UBE2V2: variants seen among roughly 807,000 people sequenced by gnomAD.
UBE2V2 encodes the protein ubiquitin conjugating enzyme E2 V2.
UBE2V2 carries 9 observed loss-of-function variants against 17.2 expected under a neutral mutation model. The ratio of observed to expected loss-of-function variants is 0.52; its 90% confidence interval spans 0.32 to 0.91. The LOEUF (loss-of-function observed/expected upper bound fraction) is 0.91, where lower values mean the gene tolerates loss of function less well. Ranked by LOEUF, UBE2V2 falls within the 40% of genes least tolerant of loss-of-function variation. The pLI is 0.04. For missense variants in UBE2V2, 133 were observed against 182.6 expected, an observed-to-expected ratio of 0.73 and a Z score of 1.56; for synonymous variants, 61 against 57.5, an observed-to-expected ratio of 1.06 and a Z score of -0.28.
intron 1 of UBE2V2, among the ~76,000 whole-genome samples, chr8:48,034,299 G>A (rs1311125156): frequency 6.6e-6 from 1 of 151,814 alleles, no homozygotes; most frequent in African/African-American, 2.4e-5. Context: ...TAATTTTTTT[G>A]TATTTTTAGT....
intron 1 of UBE2V2, among the ~76,000 whole-genome samples, chr8:48,039,672 G>T (rs2091448518): frequency 6.6e-6 from 1 of 151,964 alleles, no homozygotes; most frequent in South Asian, 2.1e-4. Flanking sequence ...GATCAGATTG[G>T]GTTCTAATTT....
chr8:48,051,247 A>G (rs902772162), intron 3 of UBE2V2, among the ~76,000 whole-genome samples: 16 of 152,190 alleles, frequency 1.1e-4, no homozygotes, highest in Admixed American at 2.6e-4. Context: ...TAAGTTCATG[A>G]TAAGTCTTTG....
At chr8:48,022,254 C>T (rs923220974) in intron 1 of UBE2V2, among the ~76,000 whole-genome samples, 2 of 151,812 alleles carry the variant, frequency 1.3e-5, no homozygotes, top group African/African-American at 4.8e-5. Context: ...TCTCCTGCCT[C>T]AGCCTCCTGA....
chr8:48,015,491 T>C (rs1262742374), intron 1 of UBE2V2, among the ~76,000 whole-genome samples: 1 of 152,226 alleles, frequency 6.6e-6, no homozygotes, highest in Non-Finnish European at 1.5e-5. Context: ...ATAGTTATCA[T>C]TTTTGTGGTG....
At chr8:48,026,110 T>C (rs1048167074) in intron 1 of UBE2V2, among the ~76,000 whole-genome samples, 3 of 152,148 alleles carry the variant, frequency 2.0e-5, no homozygotes, top group African/African-American at 7.2e-5. Context: ...TTTTTTCATT[T>C]TATTCTTCCT....
In UBE2V2 at chr8:48,048,941, A is replaced by T. The variant is rs566835446; in HGVS notation, c.166-912A>T. ...AATAATTATAATTCTCTTTAAAACA[A>T]TTTTTTTTTCTTTTTAATCTCTTGA... is the stretch of plus-strand genomic sequence containing the variant. On this transcript the variant is annotated intron_variant, in intron 2 of 3. Coordinates refer to ENST00000523111, the MANE Select transcript of UBE2V2 (RefSeq NM_003350.3). 3.8e-3 allele frequency among the ~76,000 whole-genome samples: 578 copies of T among 151,418 alleles called. 4 individuals are homozygous for T. The highest frequency in any genetic ancestry group is 0.025 in the South Asian group (119 of 4,782).
the UBE2V2 span, among the ~76,000 whole-genome samples, chr8:47,998,220 G>A: frequency 2.0e-5 from 3 of 152,004 alleles, no homozygotes; most frequent in African/African-American, 7.3e-5. Flanking sequence ...TTTCTGAACG[G>A]AGGCCAAGAG....
At chr8:47,999,507 C>T in the UBE2V2 span, among the ~76,000 whole-genome samples, 1 of 152,020 alleles carries the variant, frequency 6.6e-6, no homozygotes, top group African/African-American at 2.4e-5. Context: ...CAGGCATGTT[C>T]CACCATGCCC....
At chr8:48,036,703 G>GGGATTACA (rs1404044997) in intron 1 of UBE2V2, among the ~76,000 whole-genome samples, 1 of 151,598 alleles carries the variant, frequency 6.6e-6, no homozygotes, top group African/African-American at 2.4e-5. Flanking sequence ...CCAAAGTGCT[G>GGGATTACA]GGATTACAGG....
intron 1 of UBE2V2, among the ~76,000 whole-genome samples, chr8:48,039,930 A>G (rs1052388071): frequency 6.6e-6 from 1 of 151,608 alleles, no homozygotes; most frequent in Non-Finnish European, 1.5e-5. Context: ...GGGTCTTGCC[A>G]TGTTGCCCAG....
chr8:48,029,666 CATTGT>C (rs2091369795), intron 1 of UBE2V2, among the ~76,000 whole-genome samples: 1 of 152,176 alleles, frequency 6.6e-6, no homozygotes, highest in Admixed American at 6.6e-5. Flanking sequence ...CTCTTCATGC[CATTGT>C]CATCTGCTAC....
chr8:48,037,425 C>T (rs1263170967), intron 1 of UBE2V2, among the ~76,000 whole-genome samples: 1 of 152,208 alleles, frequency 6.6e-6, no homozygotes, highest in African/African-American at 2.4e-5. Context: ...GTGTGTTGGT[C>T]ATTGAGATAT....
upstream of UBE2V2, among the ~76,000 whole-genome samples, chr8:48,006,609 A>C (rs2091184761): frequency 6.6e-6 from 1 of 152,168 alleles, no homozygotes; most frequent in African/African-American, 2.4e-5. Flanking sequence ...AGTCGGCTTC[A>C]TCCCTGGGAT....
intron 3 of UBE2V2, among the ~76,000 whole-genome samples, chr8:48,050,914 G>A (rs1157863495): frequency 6.6e-6 from 1 of 152,118 alleles, no homozygotes; most frequent in African/African-American, 2.4e-5. Flanking sequence ...AGGCTGTAGT[G>A]CAGTGGTACT....
At position 48,050,150 on chromosome 8, in the gene UBE2V2, C is replaced by T. The variant is rs561272655; in HGVS notation, c.291+172C>T. 6.9e-6 allele frequency: 3 copies of T among 433,000 alleles called. No homozygotes were observed. In the East Asian group the frequency reaches 1.2e-4, roughly 18 times the overall value. 26.8% of individuals were successfully genotyped at this position (433,000 alleles called of 1,614,324 possible). A position where few individuals can be genotyped will look rare whatever the true frequency, so the allele number is the denominator to read the frequency against. ...AAGAAGGTTGCATTATGTTGTTTTT[C>T]TTTTATTAATATAAATTAGGCCATC... On this transcript the variant is annotated intron_variant, in intron 3 of 3. Coordinates refer to ENST00000523111, the MANE Select transcript of UBE2V2 (RefSeq NM_003350.3).
chr8:48,038,109 C>T (rs568836327), intron 1 of UBE2V2, among the ~76,000 whole-genome samples: 101 of 152,282 alleles, frequency 6.6e-4, no homozygotes, highest in African/African-American at 2.2e-3. Flanking sequence ...CCTCCCTTTT[C>T]TTTTTAAATA....
At chr8:48,048,210 A>C (rs564436475) in intron 2 of UBE2V2, among the ~76,000 whole-genome samples, 2 of 152,188 alleles carry the variant, frequency 1.3e-5, no homozygotes, top group African/African-American at 4.8e-5. Flanking sequence ...TAGTGTGTAC[A>C]CTTACGGTTC....
At chr8:48,001,184 GC>G in the UBE2V2 span, among the ~76,000 whole-genome samples, 6 of 152,104 alleles carry the variant, frequency 3.9e-5, no homozygotes, top group African/African-American at 1.4e-4. Context: ...ATGCCTCAGA[GC>G]CCGCTTAGCA....
At chr8:48,053,807 G>GTT (rs202049026) in intron 3 of UBE2V2, among the ~76,000 whole-genome samples, 6 of 135,782 alleles carry the variant, frequency 4.4e-5, no homozygotes, top group Non-Finnish European at 6.5e-5. Flanking sequence ...TCCCCTTCCT[G>GTT]TTTTTTTTTT....
Sources: allele counts gnomAD v4.1 joint callset (sites outside exome capture counted in the v4.1 genomes callset), GRCh38; gene constraint gnomAD v4.1.1; transcripts MANE v1.5; gene names NCBI Gene and HGNC (gene_info 2026-07-23, HGNC 2026-07-21).